Variants in PCDH15 observed in about 807,000 individuals in gnomAD.
The protein encoded by PCDH15 is protocadherin related 15.
Under a neutral mutation model 178.5 loss-of-function variants are expected in PCDH15, and 129 were observed. That is an observed-to-expected ratio of 0.72 (90% confidence interval 0.63 to 0.84). The LOEUF is 0.84. Ranked by LOEUF, PCDH15 falls within the 40% of genes least tolerant of loss-of-function variation. PCDH15 has a pLI of 0.00. For synonymous variants in PCDH15, 800 were observed against 732.0 expected (o/e 1.09, Z -1.50); for missense variants, 2,230 against 2,099.9 (o/e 1.06, Z -1.21).
At chr10:55,590,976 A>G (rs1214905868) in intron 2 of PCDH15, among the ~76,000 whole-genome samples, 1 of 152,138 alleles carries the variant, frequency 6.6e-6, no homozygotes, top group African/African-American at 2.4e-5. Context: ...TATCATTAAA[A>G]TTTAATATAA....
chr10:55,479,187 T>C (rs1840123312), intron 2 of PCDH15, among the ~76,000 whole-genome samples: 1 of 151,176 alleles, frequency 6.6e-6, no homozygotes, highest in Non-Finnish European at 1.5e-5. Context: ...GGATGCAACA[T>C]AAAAAGATAA....
At chr10:54,526,384 T>C (rs1427722083) in intron 3 of PCDH15, among the ~76,000 whole-genome samples, 2 of 152,196 alleles carry the variant, frequency 1.3e-5, no homozygotes. Context: ...TTATGTTTAT[T>C]GAATTTTTAT....
At chr10:54,871,384 T>C (rs556822244) in intron 3 of PCDH15, among the ~76,000 whole-genome samples, 1 of 148,492 alleles carries the variant, frequency 6.7e-6, no homozygotes, top group East Asian at 2.0e-4. Context: ...AGAAATAAGC[T>C]ACTTGAAAAA....
intron 11 of PCDH15, among the ~76,000 whole-genome samples, chr10:54,194,231 C>T (rs2049336033): frequency 1.3e-5 from 2 of 151,956 alleles, no homozygotes; most frequent in Admixed American, 6.6e-5. Flanking sequence ...AAAGTGCCTT[C>T]CTAATTTCCT....
chr10:54,746,342 T>C (rs1258117432), intron 1 of PCDH15, among the ~76,000 whole-genome samples: 3 of 109,846 alleles, frequency 2.7e-5, no homozygotes, highest in African/African-American at 1.0e-4. Context: ...GAGCAGGTAG[T>C]GGCGATGGTT....
intron 2 of PCDH15, among the ~76,000 whole-genome samples, chr10:55,442,684 C>A (rs1360409973): frequency 6.6e-6 from 1 of 151,038 alleles, no homozygotes; most frequent in Non-Finnish European, 1.5e-5. Context: ...AAATATTAAT[C>A]TATTTATTTA....
chr10:53,815,850 T>C (rs1387290704), intron 35 of PCDH15, among the ~76,000 whole-genome samples: 2 of 152,136 alleles, frequency 1.3e-5, no homozygotes, highest in Non-Finnish European at 2.9e-5. Context: ...GATATTTAAG[T>C]ACAGATATCA....
chr10:54,801,621 TTCTC>T (rs756662295), upstream of PCDH15, among the ~76,000 whole-genome samples: 67 of 152,282 alleles, frequency 4.4e-4, 1 homozygote, highest in Admixed American at 1.6e-3. Flanking sequence ...TCTTTTATCA[TTCTC>T]TCTGTCTCTC....
intron 2 of PCDH15, among the ~76,000 whole-genome samples, chr10:55,399,064 A>G (rs1385419003): frequency 6.6e-6 from 1 of 152,172 alleles, no homozygotes; most frequent in African/African-American, 2.4e-5. Flanking sequence ...TACTGAAAAA[A>G]TGATTTTAAT....
intron 2 of PCDH15, among the ~76,000 whole-genome samples, chr10:54,934,335 AT>A (rs1358745043): frequency 1.3e-5 from 2 of 152,182 alleles, no homozygotes; most frequent in African/African-American, 4.8e-5. Context: ...ATACTAAGAT[AT>A]TATGTTAATA....
chr10:55,188,281 C>A (rs1449229379), intron 1 of PCDH15, among the ~76,000 whole-genome samples: 1 of 151,624 alleles, frequency 6.6e-6, no homozygotes, highest in Non-Finnish European at 1.5e-5. Flanking sequence ...TTTTCTCACG[C>A]TTTCTATTTT....
chr10:55,055,477 A>T (rs1038640311), intron 2 of PCDH15, among the ~76,000 whole-genome samples: 1 of 152,106 alleles, frequency 6.6e-6, no homozygotes, highest in Middle Eastern at 3.2e-3. Context: ...CCTACTGCAC[A>T]TTTTGAAACA....
intron 1 of PCDH15, among the ~76,000 whole-genome samples, chr10:55,168,601 C>T (rs956089241): frequency 2.6e-5 from 4 of 152,146 alleles, no homozygotes; most frequent in Non-Finnish European, 4.4e-5. Flanking sequence ...TGCTTTGTGT[C>T]GATTTAGTAA....
At chr10:55,303,146 A>T (rs1018392718) in intron 1 of PCDH15, among the ~76,000 whole-genome samples, 3 of 152,166 alleles carry the variant, frequency 2.0e-5, no homozygotes, top group Non-Finnish European at 4.4e-5. Context: ...AATAAGAAAT[A>T]TTCATGACAG....
intron 2 of PCDH15, among the ~76,000 whole-genome samples, chr10:54,948,476 T>C (rs1838247703): frequency 6.6e-6 from 1 of 152,008 alleles, no homozygotes; most frequent in Non-Finnish European, 1.5e-5. Context: ...TAATGAGACA[T>C]TATTTCTGAG....
intron 28 of PCDH15, among the ~76,000 whole-genome samples, chr10:53,842,821 G>C (rs955139151): frequency 6.6e-6 from 1 of 152,248 alleles, no homozygotes; most frequent in Admixed American, 6.5e-5. Flanking sequence ...GGAGTACCTA[G>C]TTAAATACAA....
At chr10:54,741,214 T>C (rs2132810835) in intron 1 of PCDH15, among the ~76,000 whole-genome samples, 1 of 148,792 alleles carries the variant, frequency 6.7e-6, no homozygotes, top group African/African-American at 2.4e-5. Context: ...TATACTAATA[T>C]TTAAAACTAA....
intron 17 of PCDH15, among the ~76,000 whole-genome samples, chr10:54,075,424 C>T (rs2094324470): frequency 6.6e-6 from 1 of 152,014 alleles, no homozygotes; most frequent in South Asian, 2.1e-4. Flanking sequence ...AATGACTTAT[C>T]ATATATATGA....
chr10:54,139,927 G>T (rs2133159464), intron 14 of PCDH15, among the ~76,000 whole-genome samples: 1 of 152,150 alleles, frequency 6.6e-6, no homozygotes, highest in South Asian at 2.1e-4. Flanking sequence ...ATTAAAAAAA[G>T]AACAGAAAGA....
Sources: allele counts gnomAD v4.1 joint callset (sites outside exome capture counted in the v4.1 genomes callset), GRCh38; gene constraint gnomAD v4.1.1; transcripts MANE v1.5; gene names NCBI Gene and HGNC (gene_info 2026-07-23, HGNC 2026-07-21).